SPAG17: variants seen among roughly 807,000 people sequenced by gnomAD.
SPAG17 encodes sperm-associated antigen 17.
Under a neutral mutation model 273.6 loss-of-function variants are expected in SPAG17, and 169 were observed. The ratio of observed to expected loss-of-function variants is 0.62; its 90% CI spans 0.55 to 0.70. SPAG17 has a LOEUF of 0.70. Ranked by LOEUF, SPAG17 falls within the 30% of genes least tolerant of loss-of-function variation. The pLI, the probability that SPAG17 is intolerant of heterozygous loss-of-function variation, is 0.00. For synonymous variants in SPAG17, 825 were observed against 873.2 expected (o/e 0.94, Z 0.97); for missense variants, 2,557 against 2,627.8 (o/e 0.97, Z 0.59).
chr1:117,994,354 C>T, intron 35 of SPAG17, 52 bp downstream of exon 35: 1 of 1,559,614 alleles, frequency 6.4e-7, no homozygotes, highest in Non-Finnish European at 8.7e-7. Flanking sequence ...GTCCATTGCC[C>T]TTGGATGGAT....
intron 1 of SPAG17, among the ~76,000 whole-genome samples, chr1:118,167,922 GTGGCA>G (rs1165329934): frequency 6.6e-6 from 1 of 152,130 alleles, no homozygotes; most frequent in African/African-American, 2.4e-5. Flanking sequence ...TTAAAAGTGT[GTGGCA>G]TGGCATCTCT....
intron 3 of SPAG17, among the ~76,000 whole-genome samples, chr1:118,147,127 T>C (rs746856745): frequency 1.2e-4 from 18 of 152,230 alleles, no homozygotes; most frequent in Admixed American, 3.9e-4. Flanking sequence ...ATATACATTT[T>C]GTCCTTTTTT....
intron 25 of SPAG17, among the ~76,000 whole-genome samples, chr1:118,029,131 T>A (rs187377367): frequency 6.6e-6 from 1 of 152,228 alleles, no homozygotes; most frequent in African/African-American, 2.4e-5. Context: ...ATGCCTGTGG[T>A]CCCAGCTACT....
In SPAG17 at chr1:118,041,710, T is replaced by C. The variant is rs1324606139; in HGVS notation, c.3054+93A>G. 1.0e-5 allele frequency: 15 copies of C among 1,482,192 alleles called. No individual in the cohort carries two copies. In the Middle Eastern group the frequency reaches 1.3e-3, roughly 125 times the overall value. The allele number at this position is 1,482,192 out of a possible 1,614,324, so 91.8% of individuals were successfully genotyped here. A position where few individuals can be genotyped will look rare whatever the true frequency, so the allele number is the denominator to read the frequency against. On this transcript the variant is annotated intron_variant, in intron 21 of 48. Coordinates refer to ENST00000336338, the MANE Select transcript of SPAG17 (RefSeq NM_206996.4). ...AAGAAACCCTAGGCCTACTGTGGGGTAGTGAAAACAAAAGAATCTTATAAT... is the reference window on the plus strand; with the variant it reads ...AAGAAACCCTAGGCCTACTGTGGGGCAGTGAAAACAAAAGAATCTTATAAT...
At chr1:118,143,244 T>C (rs1282012067) in intron 3 of SPAG17, among the ~76,000 whole-genome samples, 3 of 152,358 alleles carry the variant, frequency 2.0e-5, no homozygotes, top group South Asian at 2.1e-4. Context: ...GTAGCTTATA[T>C]TGAAGACATA....
rs139685584 is a variant in SPAG17 at position 118,044,996 on chromosome 1, A to G, written c.2815-2954T>C. ...GACTAACACAAGAGTGATAAGAGGA[A>G]ATTAAAAAGCCAACCAAGGATTTTA... is the stretch of plus-strand genomic sequence containing the variant. On this transcript the variant is annotated intron_variant, in intron 20 of 48. Transcript: ENST00000336338. 5.7e-4 allele frequency among the ~76,000 whole-genome samples: 87 copies of G among 152,342 alleles called. 2 individuals are homozygous for G. The East Asian group carries it at 0.013, about 24-fold the overall frequency.
intron 15 of SPAG17, among the ~76,000 whole-genome samples, chr1:118,078,194 T>C (rs1330544254): frequency 6.6e-6 from 1 of 152,154 alleles, no homozygotes; most frequent in Non-Finnish European, 1.5e-5. Context: ...TCTAGATTAA[T>C]GAAAAGGGTA....
intron 1 of SPAG17, among the ~76,000 whole-genome samples, chr1:118,159,574 A>G (rs1283153688): frequency 1.3e-5 from 2 of 152,218 alleles, no homozygotes; most frequent in African/African-American, 4.8e-5. Context: ...TTTCCTGTAG[A>G]AAGTTCTGCA....
chr1:118,045,477 G>T (rs1254731640), intron 20 of SPAG17, among the ~76,000 whole-genome samples: 2 of 152,184 alleles, frequency 1.3e-5, no homozygotes, highest in South Asian at 2.1e-4. Context: ...CTTCCATGGG[G>T]ACAGAAGCTC....
At chr1:118,082,346 AC>A (rs1277835390) in intron 13 of SPAG17, among the ~76,000 whole-genome samples, 1 of 152,256 alleles carries the variant, frequency 6.6e-6, no homozygotes, top group African/African-American at 2.4e-5. Flanking sequence ...TAACAAATAA[AC>A]ATGGAATTCA....
intron 4 of SPAG17, among the ~76,000 whole-genome samples, chr1:118,106,492 G>C (rs1253814946): frequency 2.0e-5 from 3 of 152,068 alleles, no homozygotes; most frequent in Admixed American, 2.0e-4. Flanking sequence ...GGAAGCACTG[G>C]TAAGACTCAT....
At chr1:118,089,332 CGT>C (rs72374195) in intron 10 of SPAG17, among the ~76,000 whole-genome samples, 21 of 135,736 alleles carry the variant, frequency 1.5e-4, no homozygotes, top group Admixed American at 5.8e-4. Flanking sequence ...ATGTAGATGA[CGT>C]GTGTGTGTGT....
intron 4 of SPAG17, among the ~76,000 whole-genome samples, chr1:118,108,588 T>C (rs764671202): frequency 6.6e-6 from 1 of 152,198 alleles, no homozygotes; most frequent in Non-Finnish European, 1.5e-5. Flanking sequence ...AGGGAACTCT[T>C]GTCAATTCAA....
chr1:117,995,587 G>A (rs1223826165), intron 34 of SPAG17, among the ~76,000 whole-genome samples: 3 of 151,856 alleles, frequency 2.0e-5, no homozygotes, highest in Non-Finnish European at 2.9e-5. Flanking sequence ...GTGTATTAAT[G>A]TCATGCACAT....
chr1:117,955,504 A>G (rs1246513805), intron 48 of SPAG17: 2 of 744,226 alleles, frequency 2.7e-6, no homozygotes, highest in Admixed American at 3.3e-5. Context: ...AATAATTTAT[A>G]ATGTTCTTTT....
rs144914542 is a variant in SPAG17, at chr1:118,097,849, G to C, written c.832C>G (p.Leu278Val). Residue 278 changes from leucine to valine, a missense_variant and splice_region_variant, in exon 7 of 49, where the codon CTA (leucine) becomes GTA (valine). By Grantham distance (32) the Leu-to-Val change is conservative. Transcript: ENST00000336338. ...QQEVLLQSED[L>V]EAEKLKKENA... The stretch of plus-strand genomic sequence containing the variant: ...TCTTTCTTCAATTTTTCTGCTTCTA[G>C]ATCTAATAATAGCAACATGTTTATA... The C allele has an allele frequency of 2.5e-6, 4 of 1,572,806 alleles. No individual in the cohort carries two copies. Among genetic ancestry groups the C allele is most frequent in the Middle Eastern group, 1.7e-4 (1 of 5,842 alleles).
chr1:118,177,776 G>C (rs749626061), intron 1 of SPAG17, among the ~76,000 whole-genome samples: 3 of 151,988 alleles, frequency 2.0e-5, no homozygotes, highest in Non-Finnish European at 4.4e-5. Context: ...AATCATGAGA[G>C]ACTATTATGA....
chr1:118,122,429 G>A (rs997829439), intron 3 of SPAG17, among the ~76,000 whole-genome samples: 1 of 152,124 alleles, frequency 6.6e-6, no homozygotes, highest in Non-Finnish European at 1.5e-5. Context: ...TTGCATTCCA[G>A]TCTTCCCACG....
At chr1:118,038,665 C>A (rs1464724817) in intron 23 of SPAG17, among the ~76,000 whole-genome samples, 1 of 152,034 alleles carries the variant, frequency 6.6e-6, no homozygotes, top group African/African-American at 2.4e-5. Context: ...TGAAAAAAGT[C>A]AATCTGAAAA....
Sources: gnomAD v4.1 joint callset for allele counts (sites outside exome capture counted in the v4.1 genomes callset) on GRCh38, gnomAD v4.1.1 for gene constraint, MANE v1.5 for transcripts, NCBI Gene and HGNC (gene_info 2026-07-23, HGNC 2026-07-21) for gene names.